The following UPF2 variants were observed in gnomAD, a reference collection of about 807,000 sequenced individuals.
The protein encoded by UPF2 is UPF2 regulator of nonsense mediated mRNA decay.
In UPF2, 17 loss-of-function variants were observed where a neutral mutation model predicts 141.4. The observed-to-expected ratio is 0.12, with a 90% confidence interval of 0.08 to 0.18. The LOEUF (loss-of-function observed/expected upper bound fraction) is 0.18. UPF2 is among the 10% of genes least tolerant of loss of function. UPF2 has a pLI of 1.00. For missense variants in UPF2, 1,152 were observed against 1,515.9 expected (o/e 0.76, Z 3.99); for synonymous variants, 540 against 498.0 (o/e 1.08, Z -1.12).
At chr10:11,955,102 G>A in intron 14 of UPF2, 130 bp downstream of exon 14, 1 of 890,702 alleles carries the variant, frequency 1.1e-6, no homozygotes, top group Non-Finnish European at 1.5e-6. Flanking sequence ...ATTCTTATAT[G>A]AAGAATATAA....
rs191969575 is a variant in UPF2 at position 11,968,320 on chromosome 10, G to A, written c.1954-866C>T. On this transcript the variant is annotated intron_variant, in intron 9 of 21. Coordinates refer to ENST00000357604, the MANE Select transcript of UPF2 (RefSeq NM_015542.4). ...TTGGAGAATAAAATGAATTTTACCC[G>A]GCCTAAGGAGGTTCTTAAATAAGGA... 1.7e-3 allele frequency among the ~76,000 whole-genome samples: 258 copies of A among 152,192 alleles called. 2 individuals are homozygous for A. Among genetic ancestry groups the A allele is most frequent in the African/African-American group, 5.9e-3 (243 of 41,514 alleles).
Position 11,956,588 on chromosome 10 carries a change from A to G in UPF2, c.2371-65T>C. ...ACACAGTAGCCTGACCAAATAATAC[A>G]GAAATTTTGCTATGATTGCGCAGAG... On this transcript the variant is annotated intron_variant, in intron 12 of 21. Transcript: ENST00000357604. The surrounding 1 kb of genome is among the most constrained non-coding windows in gnomAD (Gnocchi z 4.2). 6.7e-7 allele frequency: 1 copy of G among 1,489,010 alleles called. No individual in the cohort carries two copies. Among genetic ancestry groups the G allele is most frequent in the Non-Finnish European group, 9.2e-7 (1 of 1,092,756 alleles). 92.2% of individuals were successfully genotyped at this position (1,489,010 alleles called of 1,614,324 possible). A position where few individuals can be genotyped will look rare whatever the true frequency, so the allele number is the denominator to read the frequency against.
chr10:12,000,742 G>T (rs1833938235), intron 6 of UPF2, among the ~76,000 whole-genome samples: 1 of 152,152 alleles, frequency 6.6e-6, no homozygotes, highest in Non-Finnish European at 1.5e-5. Flanking sequence ...GGAGTTTGAG[G>T]CTGCAGTCAA....
Position 11,969,523 on chromosome 10 carries a change from C to T in UPF2, c.1954-2069G>A, listed in dbSNP as rs148367465. ...GCATACAAAATAGTTTTGCAATTAG[C>T]GACAAATATAAAATAGAATGTCTCA... On this transcript the variant is annotated intron_variant, in intron 9 of 21. Transcript: ENST00000357604. Among the ~76,000 whole-genome samples, 22 of 151,846 alleles carry T rather than the reference C, an allele frequency of 1.4e-4. No homozygotes were observed. The East Asian group carries it at 3.9e-3, about 27-fold the overall frequency.
chr10:11,963,528 A>G (rs1358501446), intron 11 of UPF2, among the ~76,000 whole-genome samples: 2 of 152,148 alleles, frequency 1.3e-5, no homozygotes, highest in African/African-American at 4.8e-5. Context: ...TGTAGAGAGG[A>G]GGTCTCACTA....
rs1832644543 is a variant in UPF2, at chr10:11,921,499, A to G, written c.3810-192T>C. Among the ~76,000 whole-genome samples the G allele has an allele frequency of 6.6e-6, 1 of 152,246 alleles. No individual in the cohort carries two copies. Among genetic ancestry groups the G allele is most frequent in the African/African-American group, 2.4e-5 (1 of 41,466 alleles). On this transcript the variant is annotated intron_variant, in intron 21 of 21. Coordinates refer to ENST00000357604, the MANE Select transcript of UPF2 (RefSeq NM_015542.4). The surrounding 1 kb of genome is among the most constrained non-coding windows in gnomAD (Gnocchi z 5.9). Reference sequence around the variant, plus strand: ...AAAAACCCAAACAATAAAAAATAACATAAATATTAAAAACAATACAGTATA... The same window carrying G: ...AAAAACCCAAACAATAAAAAATAACGTAAATATTAAAAACAATACAGTATA...
At chr10:12,042,971 A>G (rs1834767508), upstream of UPF2, 1 of 151,920 alleles carries the variant, frequency 6.6e-6, no homozygotes, top group African/African-American at 2.4e-5. The surrounding 1 kb of genome is among the most constrained non-coding windows in gnomAD (Gnocchi z 5.5). Flanking sequence ...GGAAAAGGCC[A>G]TCCGCGCGAC....
rs920057998 is a variant in UPF2 at position 11,936,792 on chromosome 10, A to C, written c.3379-80T>G. Reference sequence around the variant, plus strand: ...GTCAATATAAATTGCAAACTCATTCAATGCTGTATTTCTTAAAACACAACA... The same window carrying C: ...GTCAATATAAATTGCAAACTCATTCCATGCTGTATTTCTTAAAACACAACA... On this transcript the variant is annotated intron_variant, in intron 18 of 21. Coordinates refer to ENST00000357604, the MANE Select transcript of UPF2 (RefSeq NM_015542.4). This position sits in a 1 kb window ranked among gnomAD's most constrained non-coding sequence, Gnocchi z 6.6. The C allele has an allele frequency of 2.2e-6, 3 of 1,333,750 alleles. No homozygotes were observed. The highest frequency in any genetic ancestry group is 2.9e-5 in the Admixed American group (1 of 34,992). The allele number at this position is 1,333,750 out of a possible 1,614,324, so 82.6% of individuals were successfully genotyped here.
At position 11,938,853 on chromosome 10, in the gene UPF2, G is replaced by GTTTTTTTTTTTTTTTTTTTTTT. The variant is rs58106776; in HGVS notation, c.3379-2163_3379-2142dup. ...GTGGTCTTAAGCAAGTTTTTTTTTT[G>GTTTTTTTTTTTTTTTTTTTTTT]TTTTTTTTTTTTTTTTTTTTTTTTT... On this transcript the variant is annotated intron_variant, in intron 18 of 21. Coordinates refer to ENST00000357604, the MANE Select transcript of UPF2 (RefSeq NM_015542.4). Among the ~76,000 whole-genome samples the GTTTTTTTTTTTTTTTTTTTTTT allele has an allele frequency of 7.0e-4, 56 of 79,832 alleles. 14 individuals are homozygous for GTTTTTTTTTTTTTTTTTTTTTT. Among genetic ancestry groups the GTTTTTTTTTTTTTTTTTTTTTT allele is most frequent in the Admixed American group, 8.6e-4 (5 of 5,832 alleles). 52.4% of individuals were successfully genotyped at this position (79,832 alleles called of 152,430 possible).
intron 8 of UPF2, among the ~76,000 whole-genome samples, chr10:11,994,811 C>T (rs1421683418): frequency 6.6e-6 from 1 of 151,690 alleles, no homozygotes; most frequent in Non-Finnish European, 1.5e-5. Context: ...CCCATCTCTA[C>T]TAAAAATACA....
chr10:11,977,818 T>G (rs972629693), intron 9 of UPF2, among the ~76,000 whole-genome samples: 3 of 152,216 alleles, frequency 2.0e-5, no homozygotes, highest in African/African-American at 7.2e-5. Context: ...CTTTGAGAAT[T>G]CTTACAACAA....
Position 12,010,952 on chromosome 10 carries a change from A to G in UPF2, c.1306+3072T>C, listed in dbSNP as rs138141353. Among the ~76,000 whole-genome samples, 257 of 152,272 alleles carry G rather than the reference A, an allele frequency of 1.7e-3. 1 individual carries two copies. The highest frequency in any genetic ancestry group is 5.7e-3 in the African/African-American group (237 of 41,564). On this transcript the variant is annotated intron_variant, in intron 4 of 21. Coordinates refer to ENST00000357604, the MANE Select transcript of UPF2 (RefSeq NM_015542.4). ...CATCTTTAAAGTACTGAAAGAAAAA[A>G]AAACTCTTGCCCTTAAGTTCTATGT...
chr10:11,955,105 G>A (rs1833128093), intron 14 of UPF2, 127 bp downstream of exon 14: 1 of 911,300 alleles, frequency 1.1e-6, no homozygotes, highest in Non-Finnish European at 1.5e-6. Context: ...CTTATATGAA[G>A]AATATAATCT....
At position 11,938,842 on chromosome 10, in the gene UPF2, G is replaced by GTTTTTTTTTTTTTTTTTTTTTT. The variant is rs1204744093; in HGVS notation, c.3379-2131_3379-2130insAAAAAAAAAAAAAAAAAAAAAA. On this transcript the variant is annotated intron_variant, in intron 18 of 21. Transcript: ENST00000357604. ...GTCCTAGCCATGTGGTCTTAAGCAA[G>GTTTTTTTTTTTTTTTTTTTTTT]TTTTTTTTTTGTTTTTTTTTTTTTT... Among the ~76,000 whole-genome samples, 9 of 45,866 alleles carry GTTTTTTTTTTTTTTTTTTTTTT rather than the reference G, an allele frequency of 2.0e-4. 2 individuals carry two copies. The highest frequency in any genetic ancestry group is 4.8e-4 in the Admixed American group (2 of 4,192). The allele number at this position is 45,866 out of a possible 152,430, so 30.1% of individuals were successfully genotyped here.
chr10:11,995,602 G>A (rs949664424), intron 8 of UPF2, among the ~76,000 whole-genome samples: 1 of 152,086 alleles, frequency 6.6e-6, no homozygotes. Context: ...GGCCAACAGG[G>A]TGAAACCCCA....
chr10:11,986,029 C>T (rs1027261180), intron 8 of UPF2, among the ~76,000 whole-genome samples: 1 of 151,594 alleles, frequency 6.6e-6, no homozygotes, highest in Non-Finnish European at 1.5e-5. Context: ...GGACTACAGG[C>T]GCCCGCCACC....
intron 9 of UPF2, among the ~76,000 whole-genome samples, chr10:11,972,408 G>A (rs765158028): frequency 2.0e-5 from 3 of 152,092 alleles, no homozygotes; most frequent in Non-Finnish European, 4.4e-5. Flanking sequence ...TATACTTTAA[G>A]TTCTAGGGTG....
chr10:11,996,687 C>A (rs1396241024), intron 8 of UPF2, among the ~76,000 whole-genome samples: 1 of 152,186 alleles, frequency 6.6e-6, no homozygotes, highest in Non-Finnish European at 1.5e-5. Flanking sequence ...ATCCATATGA[C>A]TTCTTCAATT....
chr10:11,944,406 AT>A (rs1832975430), intron 16 of UPF2, among the ~76,000 whole-genome samples: 1 of 152,156 alleles, frequency 6.6e-6, no homozygotes, highest in Non-Finnish European at 1.5e-5. Flanking sequence ...AGGCAGGAGA[AT>A]CACTGGAATC....
Sources: allele counts gnomAD v4.1 joint callset (sites outside exome capture counted in the v4.1 genomes callset), GRCh38; gene constraint gnomAD v4.1.1; non-coding constraint Gnocchi (gnomAD v3.1); transcripts MANE v1.5; gene names NCBI Gene and HGNC (gene_info 2026-07-23, HGNC 2026-07-21).